The following MGAT4C variants were observed in gnomAD, a reference collection of about 807,000 sequenced individuals.
MGAT4C encodes MGAT4 family member C.
A neutral mutation model predicts 40.1 loss-of-function variants in MGAT4C; 19 were observed. The ratio of observed to expected loss-of-function variants is 0.47; its 90% CI spans 0.33 to 0.70. The LOEUF is 0.70. MGAT4C is among the 30% of genes least tolerant of loss of function. The pLI is 0.02. For synonymous variants in MGAT4C, 181 were observed against 187.1 expected (o/e 0.97, Z 0.27); for missense variants, 491 against 563.2 (o/e 0.87, Z 1.30).
chr12:86,511,264 C>T (rs953603516), intron 2 of MGAT4C, among the ~76,000 whole-genome samples: 1 of 152,036 alleles, frequency 6.6e-6, no homozygotes. Flanking sequence ...TGAAATGAAG[C>T]AGAAATAAAG....
chr12:86,295,278 A>T (rs1212623331), intron 4 of MGAT4C, among the ~76,000 whole-genome samples: 1 of 152,186 alleles, frequency 6.6e-6, no homozygotes, highest in Non-Finnish European at 1.5e-5. Context: ...ATTATTTGTG[A>T]TAACTTTTAT....
At position 85,967,200 on chromosome 12, in the gene MGAT4C, C is replaced by A. The variant is rs1268803346; in HGVS notation, c.*12089G>T. 1 of 151,976 alleles carries A rather than the reference C, an allele frequency of 6.6e-6. No individual in the cohort carries two copies. The highest frequency in any genetic ancestry group is 1.5e-5 in the Non-Finnish European group (1 of 67,994). 9.4% of individuals were successfully genotyped at this position (151,976 alleles called of 1,614,324 possible). A position where few individuals can be genotyped will look rare whatever the true frequency, so the allele number is the denominator to read the frequency against. ...AAAATTGTGAACAAATCTGGTAAAT[C>A]TTTTGGTGTTGCAGGTTCATAATCA... is the stretch of plus-strand genomic sequence containing the variant. On this transcript the variant is annotated 3_prime_UTR_variant, in exon 5 of 5. Coordinates refer to ENST00000611864, the MANE Select transcript of MGAT4C (RefSeq NM_001351288.2).
At chr12:86,616,358 C>A (rs543221651) in intron 2 of MGAT4C, among the ~76,000 whole-genome samples, 2 of 152,082 alleles carry the variant, frequency 1.3e-5, no homozygotes, top group Admixed American at 1.3e-4. Context: ...CTAGAACAAC[C>A]CTTAAATCAA....
chr12:86,486,211 A>G (rs1958015983), intron 2 of MGAT4C, among the ~76,000 whole-genome samples: 1 of 152,254 alleles, frequency 6.6e-6, no homozygotes, highest in East Asian at 1.9e-4. Flanking sequence ...TCACATATCA[A>G]TACTACCCTG....
At chr12:86,044,187 G>A (rs528527328) in intron 2 of MGAT4C, among the ~76,000 whole-genome samples, 2 of 152,290 alleles carry the variant, frequency 1.3e-5, no homozygotes, top group South Asian at 4.1e-4. Context: ...AACTTTGAGG[G>A]AATGATCCCA....
chr12:86,798,371 G>A (rs1438346780), intron 1 of MGAT4C, among the ~76,000 whole-genome samples: 3 of 151,550 alleles, frequency 2.0e-5, no homozygotes, highest in South Asian at 2.1e-4. Context: ...ATCTACTTTC[G>A]ACTTAATGTT....
intron 1 of MGAT4C, among the ~76,000 whole-genome samples, chr12:86,792,009 T>C (rs11104093): frequency 0.34 from 51,534 of 152,032 alleles, 8,971 homozygotes; most frequent in East Asian, 0.48. Context: ...TTTTCTTTAT[T>C]AACAATAACA....
At chr12:86,833,940 G>T (rs1239253275) in intron 1 of MGAT4C, among the ~76,000 whole-genome samples, 1 of 151,602 alleles carries the variant, frequency 6.6e-6, no homozygotes, top group African/African-American at 2.4e-5. Context: ...TTACCAATTT[G>T]TTTGGCTTAT....
intron 1 of MGAT4C, among the ~76,000 whole-genome samples, chr12:86,151,191 C>G (rs746768833): frequency 4.6e-5 from 7 of 152,112 alleles, no homozygotes; most frequent in Non-Finnish European, 7.3e-5. Context: ...AAAGCCAATA[C>G]CAAAGACAGA....
At chr12:86,798,178 C>T (rs912927383) in intron 1 of MGAT4C, among the ~76,000 whole-genome samples, 5 of 151,902 alleles carry the variant, frequency 3.3e-5, no homozygotes, top group African/African-American at 1.2e-4. Context: ...AGGTTGCACA[C>T]CCATGAAACC....
chr12:86,701,234 C>CT lies in MGAT4C; in HGVS notation c.-229+25974dup, dbSNP rs757002716. 2.6e-3 allele frequency among the ~76,000 whole-genome samples: 381 copies of CT among 148,974 alleles called. 2 individuals carry two copies. The highest frequency in any genetic ancestry group is 7.1e-3 in the African/African-American group (290 of 40,772). ...CACTTCACTTCACTTGTAGATGTTACTTTTTTTTTTACAAATTGAAGAGTT... is the reference window on the plus strand; with the variant it reads ...CACTTCACTTCACTTGTAGATGTTACTTTTTTTTTTTACAAATTGAAGAGTT... On this transcript the variant is annotated intron_variant, in intron 2 of 7. Transcript: ENST00000548651.
intron 2 of MGAT4C, among the ~76,000 whole-genome samples, chr12:86,489,947 T>G (rs142233488): frequency 1.3e-5 from 2 of 152,078 alleles, no homozygotes; most frequent in East Asian, 3.9e-4. Flanking sequence ...CTACGTCTAA[T>G]TGGTGTACCT....
intron 4 of MGAT4C, among the ~76,000 whole-genome samples, chr12:86,284,861 A>G (rs145505918): frequency 2.6e-5 from 4 of 152,120 alleles, no homozygotes; most frequent in African/African-American, 9.6e-5. Flanking sequence ...TGTAATTCAG[A>G]AAATCCTGAG....
chr12:86,178,526 T>C (rs1205305169), intron 1 of MGAT4C, among the ~76,000 whole-genome samples: 1 of 152,316 alleles, frequency 6.6e-6, no homozygotes, highest in East Asian at 1.9e-4. Context: ...ATTTTGTTTA[T>C]TCATCACATT....
At chr12:86,091,394 A>AT (rs898473809) in intron 1 of MGAT4C, among the ~76,000 whole-genome samples, 3 of 152,138 alleles carry the variant, frequency 2.0e-5, no homozygotes, top group East Asian at 3.9e-4. Context: ...TACTTAGGAT[A>AT]TTTTTTGTTT....
intron 2 of MGAT4C, among the ~76,000 whole-genome samples, chr12:86,440,619 C>T (rs1957209470): frequency 6.6e-6 from 1 of 151,990 alleles, no homozygotes; most frequent in Admixed American, 6.6e-5. Context: ...CACTGAAAGT[C>T]CTAGCCAGAG....
chr12:86,820,810 A>C (rs1346564640), intron 1 of MGAT4C, among the ~76,000 whole-genome samples: 2 of 150,866 alleles, frequency 1.3e-5, no homozygotes, highest in African/African-American at 2.4e-5. Context: ...GTTGAAAACT[A>C]ATATTAAGTC....
intron 1 of MGAT4C, among the ~76,000 whole-genome samples, chr12:86,079,601 T>A (rs1000281455): frequency 2.6e-5 from 4 of 152,058 alleles, no homozygotes; most frequent in Non-Finnish European, 2.9e-5. Flanking sequence ...TGAGTGTGAG[T>A]TCTATATTCA....
At position 86,337,564 on chromosome 12, in the gene MGAT4C, C is replaced by T. The variant is rs150575693; in HGVS notation, c.-119-3437G>A. Among the ~76,000 whole-genome samples, 14 of 127,124 alleles carry T rather than the reference C, an allele frequency of 1.1e-4. 1 individual carries two copies. Among genetic ancestry groups the T allele is most frequent in the African/African-American group, 1.9e-4 (6 of 31,724 alleles). 83.4% of individuals were successfully genotyped at this position (127,124 alleles called of 152,430 possible). On this transcript the variant is annotated intron_variant, in intron 3 of 7. Transcript: ENST00000548651. ...TAGTGCCATTGCACTCCAGTCTGGA[C>T]GACAGGAATGAAATCTTGTCTCAAA...
Sources: allele counts gnomAD v4.1 joint callset (sites outside exome capture counted in the v4.1 genomes callset), GRCh38; gene constraint gnomAD v4.1.1; transcripts MANE v1.5; gene names NCBI Gene and HGNC (gene_info 2026-07-23, HGNC 2026-07-21).